CALCR: variants seen among roughly 807,000 people sequenced by gnomAD.
CALCR encodes the protein calcitonin receptor.
A neutral mutation model predicts 59.5 loss-of-function variants in CALCR; 47 were observed. That is an observed-to-expected ratio of 0.79 (90% CI 0.63 to 1.01). CALCR has a LOEUF of 1.01. CALCR is among the 50% of genes least tolerant of loss of function. CALCR has a pLI of 0.00. For synonymous variants in CALCR, 213 were observed against 211.3 expected (o/e 1.01, Z -0.07); for missense variants, 566 against 597.1 (o/e 0.95, Z 0.54).
chr7:93,572,971 C>A (rs1386901707), intron 2 of CALCR, among the ~76,000 whole-genome samples: 1 of 152,054 alleles, frequency 6.6e-6, no homozygotes, highest in Non-Finnish European at 1.5e-5. Flanking sequence ...AGGCATTGAA[C>A]CAGAACAAAT....
At chr7:93,510,976 T>C (rs1801533778) in intron 2 of CALCR, among the ~76,000 whole-genome samples, 1 of 152,024 alleles carries the variant, frequency 6.6e-6, no homozygotes, top group Admixed American at 6.6e-5. Context: ...AGTTAGGGAA[T>C]GGAGCCTGGG....
intron 2 of CALCR, among the ~76,000 whole-genome samples, chr7:93,505,162 GA>G (rs112032323): frequency 0.029 from 4,210 of 147,404 alleles, 193 homozygotes; most frequent in African/African-American, 0.097. Context: ...TAGCTAAGTG[GA>G]AAAAAAAAAG....
At chr7:93,511,718 C>T (rs1293040102) in intron 2 of CALCR, among the ~76,000 whole-genome samples, 1 of 152,060 alleles carries the variant, frequency 6.6e-6, no homozygotes, top group African/African-American at 2.4e-5. Context: ...ATGATGAATA[C>T]AGTGGATGAA....
intron 8 of CALCR, among the ~76,000 whole-genome samples, chr7:93,459,308 G>C (rs1800270358): frequency 6.6e-6 from 1 of 152,162 alleles, no homozygotes; most frequent in African/African-American, 2.4e-5. Context: ...AGAGTAAGGA[G>C]ACCTGAATTT....
chr7:93,534,913 T>C lies in CALCR; in HGVS notation c.-27+39376A>G, dbSNP rs190452442. On this transcript the variant is annotated intron_variant, in intron 2 of 13. Transcript: ENST00000426151. ...ATTGAGTTATACTAGGTGTTTTATG[T>C]AGTGTTCAATCTATATAGAATCCAG... is the stretch of plus-strand genomic sequence containing the variant. 2.9e-3 allele frequency among the ~76,000 whole-genome samples: 433 copies of C among 151,852 alleles called. 2 individuals are homozygous for C. Among genetic ancestry groups the C allele is most frequent in the Non-Finnish European group, 4.8e-3 (327 of 67,712 alleles).
chr7:93,446,466 C>T (rs1800007714), intron 8 of CALCR, among the ~76,000 whole-genome samples: 1 of 151,878 alleles, frequency 6.6e-6, no homozygotes, highest in Non-Finnish European at 1.5e-5. Flanking sequence ...CTAATTTAGG[C>T]CCCTGATTAA....
intron 2 of CALCR, among the ~76,000 whole-genome samples, chr7:93,521,258 C>G (rs1801758085): frequency 6.6e-6 from 1 of 152,086 alleles, no homozygotes; most frequent in African/African-American, 2.4e-5. Flanking sequence ...TACCTCTGTT[C>G]AGTGGCCCAG....
At chr7:93,445,581 A>T (rs1396022339) in intron 8 of CALCR, among the ~76,000 whole-genome samples, 1 of 152,080 alleles carries the variant, frequency 6.6e-6, no homozygotes, top group Non-Finnish European at 1.5e-5. Flanking sequence ...ATACTGAGCC[A>T]TTGCTTCTAG....
At chr7:93,476,918 G>A (rs1389260964) in intron 5 of CALCR, among the ~76,000 whole-genome samples, 2 of 151,884 alleles carry the variant, frequency 1.3e-5, no homozygotes, top group Admixed American at 6.6e-5. Context: ...GAAGTGGCTG[G>A]CCTGCACTGG....
At chr7:93,550,645 GAC>G (rs1367562481) in intron 2 of CALCR, among the ~76,000 whole-genome samples, 5 of 76,842 alleles carry the variant, frequency 6.5e-5, no homozygotes, top group Middle Eastern at 0.019. Context: ...ACACACGAGA[GAC>G]AGAGTTTTGT....
At chr7:93,533,123 A>T (rs1788891227) in intron 2 of CALCR, among the ~76,000 whole-genome samples, 1 of 151,928 alleles carries the variant, frequency 6.6e-6, no homozygotes, top group Non-Finnish European at 1.5e-5. Context: ...CTAATAACAT[A>T]GTTTTGTTCA....
chr7:93,517,304 C>CTTTTTTTTTTTTCTTT lies in CALCR; in HGVS notation c.-26-30298_-26-30297insAAAGAAAAAAAAAAAA, dbSNP rs753908420. Reference sequence around the variant, plus strand: ...AAAAAGTCAGAATTTGATTTGAGAACTTTTTTTTTTTAATTTGCTAGCCAT... The same window carrying CTTTTTTTTTTTTCTTT: ...AAAAAGTCAGAATTTGATTTGAGAACTTTTTTTTTTTTCTTTTTTTTTTTTTTAATTTGCTAGCCAT... On this transcript the variant is annotated intron_variant, in intron 2 of 13. Coordinates refer to ENST00000426151, the MANE Select transcript of CALCR (RefSeq NM_001742.4). Among the ~76,000 whole-genome samples the CTTTTTTTTTTTTCTTT allele has an allele frequency of 3.7e-3, 536 of 146,844 alleles. 1 individual carries two copies. The highest frequency in any genetic ancestry group is 8.9e-3 in the African/African-American group (357 of 39,996).
intron 4 of CALCR, 85 bp downstream of exon 4, chr7:93,479,269 A>G: frequency 7.4e-7 from 1 of 1,345,532 alleles, no homozygotes. Flanking sequence ...TATTAAATTA[A>G]AATTATTCAA....
Position 93,574,716 on chromosome 7 carries a change from C to G in CALCR, c.-269G>C, listed in dbSNP as rs1412665787. 6.6e-6 allele frequency: 1 copy of G among 152,442 alleles called. No individual in the cohort carries two copies. The highest frequency in any genetic ancestry group is 1.5e-5 in the Non-Finnish European group (1 of 68,242). The allele number at this position is 152,442 out of a possible 1,614,324, so 9.4% of individuals were successfully genotyped here. A position where few individuals can be genotyped will look rare whatever the true frequency, so the allele number is the denominator to read the frequency against. ...CCTTCCCGGCGCCTTCCTGCGCTCT[C>G]CCAGCTGTGAAGCTGTGCGCAAACT... On this transcript the variant is annotated 5_prime_UTR_variant, in exon 1 of 14. Coordinates refer to ENST00000426151, the MANE Select transcript of CALCR (RefSeq NM_001742.4).
intron 2 of CALCR, among the ~76,000 whole-genome samples, chr7:93,544,722 C>A (rs1010632346): frequency 9.2e-5 from 14 of 152,142 alleles, no homozygotes; most frequent in African/African-American, 3.4e-4. Context: ...ATGGGACTTA[C>A]CAAGCTTCTC....
intron 3 of CALCR, among the ~76,000 whole-genome samples, chr7:93,482,548 T>C (rs951901066): frequency 6.6e-6 from 1 of 151,866 alleles, no homozygotes; most frequent in Non-Finnish European, 1.5e-5. Context: ...TCTCTTTTTA[T>C]ATGGCTGACA....
intron 7 of CALCR, among the ~76,000 whole-genome samples, chr7:93,466,007 G>A (rs1336540758): frequency 1.3e-5 from 2 of 151,888 alleles, no homozygotes; most frequent in Admixed American, 6.6e-5. Flanking sequence ...GAGGAGTTCT[G>A]AGGGCTTTAC....
intron 2 of CALCR, among the ~76,000 whole-genome samples, chr7:93,560,391 T>C (rs1789718367): frequency 6.6e-6 from 1 of 152,092 alleles, no homozygotes; most frequent in African/African-American, 2.4e-5. Context: ...TTGGTATCTA[T>C]AATTTTGAAA....
At chr7:93,521,601 G>C (rs1801765552) in intron 2 of CALCR, among the ~76,000 whole-genome samples, 1 of 151,978 alleles carries the variant, frequency 6.6e-6, no homozygotes, top group African/African-American at 2.4e-5. Context: ...CTAGATTCTA[G>C]ATTTTATTTT....
Sources: gnomAD v4.1 joint callset for allele counts (sites outside exome capture counted in the v4.1 genomes callset) on GRCh38, gnomAD v4.1.1 for gene constraint, MANE v1.5 for transcripts, NCBI Gene and HGNC (gene_info 2026-07-23, HGNC 2026-07-21) for gene names.